Variants in GRM1 observed in about 807,000 individuals in gnomAD.
GRM1 encodes the protein glutamate metabotropic receptor 1.
A neutral mutation model predicts 90.9 loss-of-function variants in GRM1; 33 were observed. That is an observed-to-expected ratio of 0.36 (90% confidence interval 0.28 to 0.49). The LOEUF is 0.49. Among genes scored for constraint, GRM1 ranks in the 20% least tolerant of loss-of-function variants. The pLI is 0.99. For synonymous variants in GRM1, 700 were observed against 613.2 expected (o/e 1.14, Z -2.09); for missense variants, 1,190 against 1,534.3 (o/e 0.78, Z 3.75).
At chr6:146,215,811 C>T (rs1338632819) in intron 2 of GRM1, among the ~76,000 whole-genome samples, 1 of 150,628 alleles carries the variant, frequency 6.6e-6, no homozygotes, top group Non-Finnish European at 1.5e-5. Context: ...GGCTGGAGTG[C>T]AGTGGCTCGA....
At chr6:146,356,358 T>C (rs1481168145) in intron 4 of GRM1, among the ~76,000 whole-genome samples, 1 of 152,178 alleles carries the variant, frequency 6.6e-6, no homozygotes, top group Non-Finnish European at 1.5e-5. Flanking sequence ...ATTTGGTGTC[T>C]AGGGAGGACC....
At chr6:146,233,218 C>A (rs988899432) in intron 2 of GRM1, among the ~76,000 whole-genome samples, 2 of 151,940 alleles carry the variant, frequency 1.3e-5, no homozygotes, top group African/African-American at 4.8e-5. Context: ...GATTTGTAAT[C>A]TTTTTAAATA....
intron 2 of GRM1, among the ~76,000 whole-genome samples, chr6:146,232,866 A>C (rs1453664127): frequency 6.6e-6 from 1 of 152,000 alleles, no homozygotes; most frequent in Non-Finnish European, 1.5e-5. Flanking sequence ...AGTGTCATTC[A>C]AGGAATTTGT....
At chr6:146,358,276 A>G (rs1008067686) in intron 5 of GRM1, among the ~76,000 whole-genome samples, 5 of 152,180 alleles carry the variant, frequency 3.3e-5, no homozygotes, top group South Asian at 2.1e-4. Flanking sequence ...ATCAGTATAT[A>G]TAGAAAATGA....
chr6:146,274,861 G>A (rs1782295783), intron 2 of GRM1, among the ~76,000 whole-genome samples: 1 of 151,928 alleles, frequency 6.6e-6, no homozygotes, highest in Admixed American at 6.6e-5. Context: ...CCAGACAGAA[G>A]ACACTTAGCT....
chr6:146,246,164 C>G (rs975998701), intron 2 of GRM1, among the ~76,000 whole-genome samples: 19 of 152,200 alleles, frequency 1.2e-4, no homozygotes, highest in African/African-American at 4.6e-4. Context: ...AATTCTCGAT[C>G]ACTAGCAGTT....
chr6:146,043,386 T>C (rs1445256589), intron 1 of GRM1, among the ~76,000 whole-genome samples: 1 of 152,040 alleles, frequency 6.6e-6, no homozygotes, highest in African/African-American at 2.4e-5. Flanking sequence ...GTTAATATTT[T>C]ACTTTTTCAT....
chr6:146,370,699 A>T (rs1266828271), intron 5 of GRM1, among the ~76,000 whole-genome samples: 5 of 151,972 alleles, frequency 3.3e-5, no homozygotes, highest in Non-Finnish European at 7.4e-5. Context: ...ATAATCTGTC[A>T]TCATGCTGGC....
At position 146,424,563 on chromosome 6, in the gene GRM1, T is replaced by C. The variant is rs185688097; in HGVS notation, c.2661-9309T>C. On this transcript the variant is annotated intron_variant, in intron 7 of 7. Coordinates refer to ENST00000282753, the MANE Select transcript of GRM1 (RefSeq NM_001278064.2). The stretch of plus-strand genomic sequence containing the variant: ...CACTTGCAAAACACAAATTAAAAGA[T>C]AACATTTTTATGAATTTCAAGAGGA... Among the ~76,000 whole-genome samples, 134 of 152,344 alleles carry C rather than the reference T, an allele frequency of 8.8e-4. 1 individual carries two copies. Among genetic ancestry groups the C allele is most frequent in the African/African-American group, 3.0e-3 (125 of 41,578 alleles).
chr6:146,270,912 TCTTCCTTC>T (rs35931210), intron 2 of GRM1, among the ~76,000 whole-genome samples: 1,451 of 86,390 alleles, frequency 0.017, 26 homozygotes, highest in South Asian at 0.025. Flanking sequence ...TTTCTTTCTT[TCTTCCTTC>T]CTTCCTTCCT....
chr6:146,368,004 A>C (rs796198616), intron 5 of GRM1, among the ~76,000 whole-genome samples: 1 of 152,064 alleles, frequency 6.6e-6, no homozygotes, highest in African/African-American at 2.4e-5. Context: ...TGAACATGGA[A>C]TATCTTTTTA....
chr6:146,171,343 C>T (rs2128894572), intron 2 of GRM1: 1 of 152,936 alleles, frequency 6.5e-6, no homozygotes, highest in Non-Finnish European at 1.5e-5. Flanking sequence ...ACTCTGCATC[C>T]TACAGCGTGG....
intron 2 of GRM1, among the ~76,000 whole-genome samples, chr6:146,236,834 A>C (rs962384809): frequency 2.6e-5 from 4 of 152,112 alleles, no homozygotes; most frequent in Non-Finnish European, 5.9e-5. Context: ...CTACAGGCCC[A>C]ATAGAGACAT....
intron 2 of GRM1, among the ~76,000 whole-genome samples, chr6:146,273,423 A>C (rs1782241545): frequency 6.6e-6 from 1 of 152,206 alleles, no homozygotes; most frequent in African/African-American, 2.4e-5. Flanking sequence ...TATTCTTCAA[A>C]CACAAAGCCA....
At chr6:146,329,756 C>T (rs951701655) in intron 3 of GRM1, among the ~76,000 whole-genome samples, 1 of 152,264 alleles carries the variant, frequency 6.6e-6, no homozygotes, top group Non-Finnish European at 1.5e-5. Flanking sequence ...GCCTAGCCTG[C>T]CTTAAATATG....
chr6:146,433,751 A>C, intron 7 of GRM1, 121 bp from the exon 8 acceptor site: 4 of 737,054 alleles, frequency 5.4e-6, no homozygotes, highest in East Asian at 2.7e-5. Context: ...TGCTGGAGCA[A>C]AGGCCTACAG....
chr6:146,426,326 A>G, intron 7 of GRM1, among the ~76,000 whole-genome samples: 1 of 146,438 alleles, frequency 6.8e-6, no homozygotes, highest in East Asian at 2.0e-4. Context: ...ACACACACAC[A>G]GCAAAAAAAG....
chr6:146,245,193 A>AT (rs1241394402), intron 2 of GRM1, among the ~76,000 whole-genome samples: 2 of 152,208 alleles, frequency 1.3e-5, no homozygotes, highest in Non-Finnish European at 2.9e-5. Flanking sequence ...TAAAATAAAG[A>AT]TAAAAAATTC....
At chr6:146,307,437 T>C (rs1649751964) in intron 3 of GRM1, among the ~76,000 whole-genome samples, 1 of 152,196 alleles carries the variant, frequency 6.6e-6, no homozygotes, top group African/African-American at 2.4e-5. Flanking sequence ...TCTTTAGCAG[T>C]GTTTATCTAT....
Sources: gnomAD v4.1 joint callset for allele counts (sites outside exome capture counted in the v4.1 genomes callset) on GRCh38, gnomAD v4.1.1 for gene constraint, MANE v1.5 for transcripts, NCBI Gene and HGNC (gene_info 2026-07-23, HGNC 2026-07-21) for gene names.